Variants in PXN observed in about 807,000 individuals in gnomAD.
PXN encodes testicular tissue protein Li 134.
Under a neutral mutation model 103.6 loss-of-function variants are expected in PXN, and 61 were observed. The ratio of observed to expected loss-of-function variants is 0.59; its 90% CI spans 0.48 to 0.73. The LOEUF (loss-of-function observed/expected upper bound fraction) is 0.73, where lower values mean the gene tolerates loss of function less well. Among genes scored for constraint, PXN ranks in the 30% least tolerant of loss-of-function variants. The pLI is 0.00. For missense variants in PXN, 1,274 were observed against 1,460.3 expected, an observed-to-expected ratio of 0.87 and a Z score of 2.08; for synonymous variants, 562 against 607.8, an observed-to-expected ratio of 0.92 and a Z score of 1.11.
rs1887641739 is a variant in PXN at position 120,229,763 on chromosome 12, C to T, written c.14-5386G>A. Among the ~76,000 whole-genome samples the T allele has an allele frequency of 6.6e-6, 1 of 152,168 alleles. No homozygotes were observed. The highest frequency in any genetic ancestry group is 6.5e-5 in the Admixed American group (1 of 15,280). On this transcript the variant is annotated intron_variant, in intron 1 of 14. Coordinates refer to ENST00000637617, the MANE Select transcript of PXN (RefSeq NM_001385981.1). This position sits in a 1 kb window ranked among gnomAD's most constrained non-coding sequence, Gnocchi z 4.0. ...AAAGAAATCACCTCCCCGTCCTATC[C>T]AATCCCTGAGGGCAAAGGGTGCTGC...
At chr12:120,249,879 T>A in intron 1 of PXN, 2 of 985,480 alleles carry the variant, frequency 2.0e-6, no homozygotes, top group Non-Finnish European at 2.4e-6. Context: ...AACAGCTACC[T>A]CACCTCAAAG....
rs1566375891 is a variant in PXN at position 120,219,924 on chromosome 12, A to C, written c.999T>G (p.Thr333=). 6.3e-7 allele frequency: 1 copy of C among 1,597,794 alleles called. No homozygotes were observed. Among genetic ancestry groups the C allele is most frequent in the African/African-American group, 1.3e-5 (1 of 74,910 alleles). ...GTAGAAGGCCTCGTCCACTCTGCTC[A>C]GTACAAGGGAACTCCGGAGTGTGGC... ...GQGHTPEFPC[T]EQSGRGLLPP... Residue 333 remains threonine (T), a synonymous_variant, in exon 7 of 15, where the codon ACT becomes ACG. Transcript: ENST00000637617. This position sits in a 1 kb window ranked among gnomAD's most constrained non-coding sequence, Gnocchi z 6.5.
At position 120,223,539 on chromosome 12, in the gene PXN, G is replaced by A. The variant is rs546305826; in HGVS notation, c.356+179C>T. Among the ~76,000 whole-genome samples the A allele has an allele frequency of 1.1e-4, 17 of 152,314 alleles. No homozygotes were observed. The South Asian group carries it at 3.5e-3, about 32-fold the overall frequency. On this transcript the variant is annotated intron_variant, in intron 3 of 14. Coordinates refer to ENST00000637617, the MANE Select transcript of PXN (RefSeq NM_001385981.1). ...GATAGCCCAGAATGTCCACTGCATG[G>A]AGATGGCACTGATGAGGTAGACGGG...
Position 120,212,066 on chromosome 12 carries a change from C to T in PXN, c.*248G>A, listed in dbSNP as rs537952263. The T allele has an allele frequency of 4.1e-5, 30 of 727,188 alleles. No homozygotes were observed. The East Asian group carries it at 7.8e-4, about 19-fold the overall frequency. The allele number at this position is 727,188 out of a possible 1,614,324, so 45.0% of individuals were successfully genotyped here. A position where few individuals can be genotyped will look rare whatever the true frequency, so the allele number is the denominator to read the frequency against. ...TGGGGTGGAGCCCCCAGCCTCTACC[C>T]CTGGGGAGGATGGAGAGTGGGCAGC... On this transcript the variant is annotated 3_prime_UTR_variant, in exon 15 of 15. Coordinates refer to ENST00000637617, the MANE Select transcript of PXN (RefSeq NM_001385981.1). This position sits in a 1 kb window ranked among gnomAD's most constrained non-coding sequence, Gnocchi z 7.2.
chr12:120,256,088 T>C (rs923191072), intron 1 of PXN, among the ~76,000 whole-genome samples: 1 of 150,876 alleles, frequency 6.6e-6, no homozygotes, highest in Non-Finnish European at 1.5e-5. Flanking sequence ...AACAAAAAAC[T>C]GAAGTTAGTA....
Position 120,214,059 on chromosome 12 carries a change from C to T in PXN, c.2831-69G>A, listed in dbSNP as rs1250318035. On this transcript the variant is annotated intron_variant, in intron 13 of 14. Coordinates refer to ENST00000637617, the MANE Select transcript of PXN (RefSeq NM_001385981.1). This position sits in a 1 kb window ranked among gnomAD's most constrained non-coding sequence, Gnocchi z 5.0. ...AGAAGTGGAGCCACTCTGACTCCAA[C>T]CTCAGCAGCGTCTCCCACCCCCACC... 5.1e-6 allele frequency: 8 copies of T among 1,580,372 alleles called. No individual in the cohort carries two copies. The highest frequency in any genetic ancestry group is 6.0e-6 in the Non-Finnish European group (7 of 1,163,946).
At position 120,265,442 on chromosome 12, in the gene PXN, A is replaced by G. The variant is rs1237765535; in HGVS notation, c.13+175T>C. Among the ~76,000 whole-genome samples the G allele has an allele frequency of 1.3e-5, 2 of 151,688 alleles. No individual in the cohort carries two copies. On this transcript the variant is annotated intron_variant, in intron 1 of 14. Coordinates refer to ENST00000637617, the MANE Select transcript of PXN (RefSeq NM_001385981.1). The surrounding 1 kb of genome is among the most constrained non-coding windows in gnomAD (Gnocchi z 5.7). ...TCGGTGCCGGGGCCGGCCTGGCCCG[A>G]GACTAAGGCCCGGTTAGGGATCCCA...
chr12:120,221,489 G>T lies in PXN; in HGVS notation c.831+134C>A. ...TGGCATCACAGCAAGGCCAGGGCAT[G>T]ACAGTGTCCCTGGCTCAGGGGCAAG... On this transcript the variant is annotated intron_variant, in intron 6 of 14. Transcript: ENST00000637617. This position sits in a 1 kb window ranked among gnomAD's most constrained non-coding sequence, Gnocchi z 6.6. 1 of 1,024,406 alleles carries T rather than the reference G, an allele frequency of 9.8e-7. No individual in the cohort carries two copies. Among genetic ancestry groups the T allele is most frequent in the Non-Finnish European group, 1.4e-6 (1 of 711,078 alleles). The allele number at this position is 1,024,406 out of a possible 1,614,324, so 63.5% of individuals were successfully genotyped here.
chr12:120,244,240 C>A (rs899538835), intron 1 of PXN, among the ~76,000 whole-genome samples: 3 of 151,172 alleles, frequency 2.0e-5, no homozygotes, highest in Non-Finnish European at 4.4e-5. Context: ...AATAGCTGGG[C>A]ATGGTGGCCA....
At chr12:120,250,077 G>A in intron 1 of PXN, 1 of 985,646 alleles carries the variant, frequency 1.0e-6, no homozygotes, top group Non-Finnish European at 1.2e-6. Flanking sequence ...CCCCAGAGGA[G>A]CCCATCCCAC....
Position 120,219,245 on chromosome 12 carries a change from T to C in PXN, c.1678A>G (p.Thr560Ala), listed in dbSNP as rs1400572604. The C allele has an allele frequency of 1.9e-6, 3 of 1,594,614 alleles. No individual in the cohort carries two copies. Among genetic ancestry groups the C allele is most frequent in the Non-Finnish European group, 2.5e-6 (3 of 1,177,202 alleles). Residue 560 changes from threonine (T) to alanine (A), a missense_variant, in exon 7 of 15, where the codon ACA becomes GCA. This residue lies in a region of PXN where 1,178 missense variants were observed against 1,309.0 expected (regional missense o/e 0.90). Coordinates refer to ENST00000637617, the MANE Select transcript of PXN (RefSeq NM_001385981.1). The surrounding 1 kb of genome is among the most constrained non-coding windows in gnomAD (Gnocchi z 6.5). ...GAAATCCTCTCCGTGGTGCTGGGTG[T>C]GCCCATGGCCATGGCACATGGAAGC... is the stretch of plus-strand genomic sequence containing the variant. ...PELPCAMAMG[T>A]PSTTERISTS... is the part of the protein sequence containing the mutation.
chr12:120,227,120 TGAAAA>T (rs1302953206), intron 1 of PXN: 56 of 986,612 alleles, frequency 5.7e-5, no homozygotes, highest in Non-Finnish European at 6.5e-5. Flanking sequence ...AGGGCAACCT[TGAAAA>T]GAAAAGAAAA....
Position 120,229,775 on chromosome 12 carries a change from G to C in PXN, c.14-5398C>G, listed in dbSNP as rs566021726. The stretch of plus-strand genomic sequence containing the variant: ...TCCCCGTCCTATCCAATCCCTGAGG[G>C]CAAAGGGTGCTGCCCTCTAGTCCCA... On this transcript the variant is annotated intron_variant, in intron 1 of 14. Coordinates refer to ENST00000637617, the MANE Select transcript of PXN (RefSeq NM_001385981.1). The surrounding 1 kb of genome is among the most constrained non-coding windows in gnomAD (Gnocchi z 4.0). 2.4e-4 allele frequency among the ~76,000 whole-genome samples: 37 copies of C among 152,252 alleles called. No individual in the cohort carries two copies. The highest frequency in any genetic ancestry group is 8.2e-4 in the African/African-American group (34 of 41,548).
chr12:120,250,856 G>A (rs1010443391), intron 1 of PXN, among the ~76,000 whole-genome samples: 12 of 136,146 alleles, frequency 8.8e-5, no homozygotes, highest in Admixed American at 5.8e-4. Context: ...TGCACTAAGT[G>A]CCCACCAAGG....
rs1229844139 is a variant in PXN, at chr12:120,215,520, G to A, written c.2403+40C>T. ...GCAGGCATGGCCAAGCCCAGGGAGA[G>A]CACGACACGCAGGACACCCAGCCCA... On this transcript the variant is annotated intron_variant, in intron 10 of 14. Transcript: ENST00000637617. This position sits in a 1 kb window ranked among gnomAD's most constrained non-coding sequence, Gnocchi z 4.9. The A allele has an allele frequency of 1.3e-6, 2 of 1,538,134 alleles. No individual in the cohort carries two copies. The highest frequency in any genetic ancestry group is 1.7e-6 in the Non-Finnish European group (2 of 1,144,582).
rs981120454 is a variant in PXN at position 120,211,242 on chromosome 12, G to A, written c.*1072C>T. ...TTCAGAATTCTAGGCCCAAAAGGGT[G>A]CAACACCCTTCAACCAGTTTCAGTG... On this transcript the variant is annotated 3_prime_UTR_variant, in exon 15 of 15. Transcript: ENST00000637617. The A allele has an allele frequency of 1.3e-5, 2 of 152,612 alleles. No individual in the cohort carries two copies. Among genetic ancestry groups the A allele is most frequent in the Non-Finnish European group, 2.9e-5 (2 of 68,198 alleles). 9.5% of individuals were successfully genotyped at this position (152,612 alleles called of 1,614,324 possible).
In PXN at chr12:120,215,208, C is replaced by A; in HGVS notation, c.2469G>T (p.Gln823His). The A allele has an allele frequency of 6.3e-7, 1 of 1,599,134 alleles. No homozygotes were observed. The highest frequency in any genetic ancestry group is 1.1e-5 in the South Asian group (1 of 88,786). ...PPGGPPKPGS[Q>H]LDSMLGSLQS... ...GCAGGCTCCCCAGCATGCTGTCCAG[C>A]TGGCTCCCGGGCTTCGGGGGCCCCC... The change falls in exon 11 of 15, where the codon CAG becomes CAT. Residue 823 changes from glutamine to histidine, a missense_variant. Gln to His is a conservative substitution (Grantham distance 24). Coordinates refer to ENST00000637617, the MANE Select transcript of PXN (RefSeq NM_001385981.1). This position sits in a 1 kb window ranked among gnomAD's most constrained non-coding sequence, Gnocchi z 4.9.
At chr12:120,232,532 C>T (rs1888253329) in intron 1 of PXN, among the ~76,000 whole-genome samples, 1 of 152,160 alleles carries the variant, frequency 6.6e-6, no homozygotes, top group South Asian at 2.1e-4. Flanking sequence ...TGGGTAAAAC[C>T]CAGATTCACA....
chr12:120,235,768 C>T (rs1012677708), intron 1 of PXN, among the ~76,000 whole-genome samples: 1 of 152,206 alleles, frequency 6.6e-6, no homozygotes, highest in Non-Finnish European at 1.5e-5. Context: ...AAGGCTGGTG[C>T]ACTCCATGTT....
Sources: allele counts gnomAD v4.1 joint callset (sites outside exome capture counted in the v4.1 genomes callset), GRCh38; gene constraint gnomAD v4.1.1; regional missense constraint gnomAD v4.1.1; non-coding constraint Gnocchi (gnomAD v3.1); transcripts MANE v1.5; gene names NCBI Gene and HGNC (gene_info 2026-07-23, HGNC 2026-07-21).